The following ALS2 variants were observed in gnomAD, a reference collection of about 807,000 sequenced individuals.
The protein encoded by ALS2 is alsin Rho guanine nucleotide exchange factor ALS2.
Under a neutral mutation model 203.4 loss-of-function variants are expected in ALS2, and 117 were observed. The ratio of observed to expected loss-of-function variants is 0.58; its 90% confidence interval spans 0.50 to 0.67. ALS2 has a LOEUF of 0.67. Among genes scored for constraint, ALS2 ranks in the 30% least tolerant of loss-of-function variants. The probability of loss-of-function intolerance (pLI) is 0.00; values close to 1 mark genes in which losing one functional copy is unlikely to be tolerated. For synonymous variants in ALS2, 718 were observed against 725.9 expected, an observed-to-expected ratio of 0.99 and a Z score of 0.17; for missense variants, 1,715 against 1,989.4, an observed-to-expected ratio of 0.86 and a Z score of 2.62.
intron 15 of ALS2, 21 bp from the exon 16 acceptor site, chr2:201,727,796 G>C (rs1421555882): frequency 6.4e-7 from 1 of 1,550,644 alleles, no homozygotes; most frequent in Non-Finnish European, 8.7e-7. Context: ...GAACACGGAG[G>C]CACTTTTATG....
At chr2:201,766,727 T>C (rs1222905633) in intron 3 of ALS2, among the ~76,000 whole-genome samples, 1 of 142,002 alleles carries the variant, frequency 7.0e-6, no homozygotes, top group African/African-American at 2.5e-5. Flanking sequence ...ATTAAGAAAA[T>C]GTGGCACATA....
At chr2:201,702,001 T>C (rs1689417140) in intron 33 of ALS2, 112 bp from the exon 34 acceptor site, 1 of 918,192 alleles carries the variant, frequency 1.1e-6, no homozygotes, top group Non-Finnish European at 1.8e-6. Context: ...ATTCAGCTGA[T>C]GGCCCAACAG....
chr2:201,717,511 TG>T lies in ALS2; in HGVS notation c.3836+565del, dbSNP rs200683714. Among the ~76,000 whole-genome samples the T allele has an allele frequency of 5.8e-3, 873 of 150,210 alleles. 8 individuals are homozygous for T. The highest frequency in any genetic ancestry group is 0.02 in the African/African-American group (818 of 40,862). On this transcript the variant is annotated intron_variant, in intron 24 of 33. Coordinates refer to ENST00000264276, the MANE Select transcript of ALS2 (RefSeq NM_020919.4). The stretch of plus-strand genomic sequence containing the variant: ...AAAAAAAAGAACACTCTCTCACACA[TG>T]GAACTTTCCTTTTAAACATCCATGC...
chr2:201,726,884 C>A lies in ALS2; in HGVS notation c.2980-18G>T. ...CACTTTGTCTAGGAGCAAAAAGTAA[C>A]GTCAATAAGTTTAAGGCAACAATTC... On this transcript the variant is annotated intron_variant, in intron 17 of 33. Coordinates refer to ENST00000264276, the MANE Select transcript of ALS2 (RefSeq NM_020919.4). The A allele has an allele frequency of 1.9e-6, 3 of 1,607,538 alleles. No homozygotes were observed. The highest frequency in any genetic ancestry group is 2.6e-6 in the Non-Finnish European group (3 of 1,175,368).
At chr2:201,733,573 G>T in intron 12 of ALS2, 135 bp from the exon 13 acceptor site, 1 of 759,018 alleles carries the variant, frequency 1.3e-6, no homozygotes, top group Non-Finnish European at 2.2e-6. Flanking sequence ...GAAATACAAT[G>T]AAATAAGCCA....
At chr2:201,741,576 A>G (rs981230153) in intron 11 of ALS2, 98 bp downstream of exon 11, 7 of 1,259,946 alleles carry the variant, frequency 5.6e-6, no homozygotes, top group Non-Finnish European at 8.0e-6. Flanking sequence ...ATTACCTTAT[A>G]TCACTCTCCC....
At chr2:201,775,048 C>T (rs1015383690) in intron 1 of ALS2, among the ~76,000 whole-genome samples, 1 of 152,024 alleles carries the variant, frequency 6.6e-6, no homozygotes, top group African/African-American at 2.4e-5. Flanking sequence ...TCTCAATTAC[C>T]GGTTTAAAAT....
chr2:201,733,314 C>A lies in ALS2; in HGVS notation c.2542G>T (p.Ala848Ser). ...GTAGCAAGCTTTAGCAAAACTTTTG[C>A]GTAATTATGAAGTCGTCTGATTGGC... ...FLPIRRLHNY[A>S]KVLLKLATCF... is the part of the protein sequence containing the mutation. The change falls in exon 13 of 34, where the codon GCA (alanine) becomes TCA (serine). Residue 848 changes from alanine (A) to serine (S), a missense_variant. Physicochemically the swap from Ala to Ser is moderately conservative, Grantham distance 99. Transcript: ENST00000264276. 1 of 1,613,756 alleles carries A rather than the reference C, an allele frequency of 6.2e-7. No individual in the cohort carries two copies. Among genetic ancestry groups the A allele is most frequent in the Non-Finnish European group, 8.5e-7 (1 of 1,179,860 alleles).
chr2:201,717,367 G>A (rs1690469718), intron 24 of ALS2, among the ~76,000 whole-genome samples: 1 of 151,802 alleles, frequency 6.6e-6, no homozygotes. Context: ...TTGGAAGCCT[G>A]AGGCAGGAGA....
chr2:201,776,261 C>G (rs953112135), intron 1 of ALS2, among the ~76,000 whole-genome samples: 6 of 152,118 alleles, frequency 3.9e-5, no homozygotes, highest in African/African-American at 1.4e-4. Context: ...CAATGAGAAA[C>G]AGGAAGACTT....
intron 23 of ALS2, among the ~76,000 whole-genome samples, chr2:201,720,374 T>C (rs1170009982): frequency 6.6e-6 from 1 of 151,926 alleles, no homozygotes; most frequent in Non-Finnish European, 1.5e-5. Context: ...AACCACATGA[T>C]CATCTCAACA....
chr2:201,764,406 C>T (rs1381195325), intron 3 of ALS2, among the ~76,000 whole-genome samples: 5 of 151,418 alleles, frequency 3.3e-5, no homozygotes, highest in African/African-American at 9.7e-5. Flanking sequence ...CAGAGGCAGG[C>T]GAATCACTAG....
Position 201,700,536 on chromosome 2 carries a change from A to G in ALS2, c.*1315T>C, listed in dbSNP as rs1689321046. Reference sequence around the variant, plus strand: ...GGCTGCCCTGTTCATTTCTTCTACAATCATAAAACAACCACATAAAGATGA... The same window carrying G: ...GGCTGCCCTGTTCATTTCTTCTACAGTCATAAAACAACCACATAAAGATGA... On this transcript the variant is annotated 3_prime_UTR_variant, in exon 34 of 34. Coordinates refer to ENST00000264276, the MANE Select transcript of ALS2 (RefSeq NM_020919.4). 6.6e-6 allele frequency: 1 copy of G among 152,660 alleles called. No homozygotes were observed. Among genetic ancestry groups the G allele is most frequent in the African/African-American group, 2.4e-5 (1 of 41,452 alleles). The allele number at this position is 152,660 out of a possible 1,614,324, so 9.5% of individuals were successfully genotyped here. A position where few individuals can be genotyped will look rare whatever the true frequency, so the allele number is the denominator to read the frequency against.
chr2:201,767,805 T>C (rs988279664), intron 2 of ALS2, among the ~76,000 whole-genome samples: 37 of 148,422 alleles, frequency 2.5e-4, no homozygotes, highest in Admixed American at 1.7e-3. Flanking sequence ...GAGGCGGAGG[T>C]TGCAGTGAGC....
Position 201,761,818 on chromosome 2 carries a change from T to C in ALS2, c.176A>G (p.Asp59Gly), listed in dbSNP as rs1008414779. ...GVKHGVLLTEDGEVYSFGTLP... is the reference protein window; with the variant it reads ...GVKHGVLLTEGGEVYSFGTLP... ...AGTCCCAAAGCTGTAGACCTCACCA[T>C]CTGAAGGTTAAAAAAAAGAAAAAAG... Residue 59 changes from aspartate (D) to glycine (G), a missense_variant and splice_region_variant, in exon 4 of 34, where the codon GAT becomes GGT. Transcript: ENST00000264276. The C allele has an allele frequency of 6.2e-7, 1 of 1,611,854 alleles. No individual in the cohort carries two copies. Among genetic ancestry groups the C allele is most frequent in the Non-Finnish European group, 8.5e-7 (1 of 1,179,702 alleles).
rs1693721969 is a variant in ALS2, at chr2:201,760,869, T to C, written c.1113+12A>G. On this transcript the variant is annotated intron_variant, in intron 4 of 33. Transcript: ENST00000264276. ...CTAGACACACTTTTATTTTATAAAA[T>C]TGAGCAGGTACCTGAGATGGCACTG... 1.9e-6 allele frequency: 3 copies of C among 1,608,238 alleles called. No individual in the cohort carries two copies. The highest frequency in any genetic ancestry group is 2.2e-5 in the East Asian group (1 of 44,798).
At chr2:201,702,681 A>G (rs1689464226) in intron 33 of ALS2, among the ~76,000 whole-genome samples, 1 of 152,196 alleles carries the variant, frequency 6.6e-6, no homozygotes, top group Non-Finnish European at 1.5e-5. Context: ...GTATTTTTCT[A>G]CATGTAAACT....
chr2:201,758,243 T>A (rs4575704), intron 4 of ALS2, among the ~76,000 whole-genome samples: 1 of 152,140 alleles, frequency 6.6e-6, no homozygotes, highest in South Asian at 2.1e-4. Flanking sequence ...AAAAAAGCTT[T>A]CCCTGAAATG....
At chr2:201,772,987 G>A (rs184780077) in intron 1 of ALS2, among the ~76,000 whole-genome samples, 58 of 149,790 alleles carry the variant, frequency 3.9e-4, no homozygotes, top group African/African-American at 1.1e-3. Context: ...TCAGCCTCCC[G>A]AGTAGCTGGG....
Sources: allele counts gnomAD v4.1 joint callset (sites outside exome capture counted in the v4.1 genomes callset), GRCh38; gene constraint gnomAD v4.1.1; transcripts MANE v1.5; gene names NCBI Gene and HGNC (gene_info 2026-07-23, HGNC 2026-07-21).